The following BLMH variants were observed in gnomAD, a reference collection of about 807,000 sequenced individuals.
BLMH encodes the protein BLM hydrolase.
Under a neutral mutation model 61.6 loss-of-function variants are expected in BLMH, and 32 were observed. That is an observed-to-expected ratio of 0.52 (90% confidence interval 0.39 to 0.70). The LOEUF (loss-of-function observed/expected upper bound fraction) is 0.70. BLMH is among the 30% of genes least tolerant of loss of function. BLMH has a pLI of 0.00. For synonymous variants in BLMH, 183 were observed against 193.8 expected, an observed-to-expected ratio of 0.94 and a Z score of 0.46; for missense variants, 460 against 555.5, an observed-to-expected ratio of 0.83 and a Z score of 1.73.
chr17:30,251,880 GAA>G (rs1252696122), intron 11 of BLMH, among the ~76,000 whole-genome samples: 1 of 151,918 alleles, frequency 6.6e-6, no homozygotes, highest in Non-Finnish European at 1.5e-5. Flanking sequence ...AACTAAAACA[GAA>G]AGTTAAAAAT....
At chr17:30,285,551 C>T (rs1002344896) in intron 5 of BLMH, 71 bp from the exon 6 acceptor site, 24 of 1,241,172 alleles carry the variant, frequency 1.9e-5, no homozygotes, top group Admixed American at 6.8e-5. Flanking sequence ...CATAGACCAA[C>T]GCAAGTTCTA....
chr17:30,264,121 T>A (rs908246546), intron 11 of BLMH, among the ~76,000 whole-genome samples: 2 of 152,184 alleles, frequency 1.3e-5, no homozygotes. Flanking sequence ...TTTCCTTCCT[T>A]CCTGTTAAGT....
chr17:30,278,872 T>G (rs1046132589), intron 6 of BLMH, among the ~76,000 whole-genome samples: 8 of 152,234 alleles, frequency 5.3e-5, no homozygotes, highest in Non-Finnish European at 1.0e-4. Context: ...GGTTTTGCCA[T>G]GTTGGCCAGG....
intron 11 of BLMH, among the ~76,000 whole-genome samples, chr17:30,255,567 T>C (rs1187116992): frequency 6.6e-6 from 1 of 152,216 alleles, no homozygotes; most frequent in Non-Finnish European, 1.5e-5. Flanking sequence ...AGTTTTCTTT[T>C]GTAAAGTGTC....
intron 6 of BLMH, 39 bp downstream of exon 6, chr17:30,285,349 C>T: frequency 7.0e-7 from 1 of 1,430,362 alleles, no homozygotes; most frequent in Non-Finnish European, 9.8e-7. Flanking sequence ...CTGAGAGTTC[C>T]TTAGAGGGGT....
Position 30,287,885 on chromosome 17 carries a change from C to T in BLMH, c.384G>A (p.Glu128=). Residue 128 remains glutamate (E), a synonymous_variant, in exon 4 of 12, where the codon GAG becomes GAA. Coordinates refer to ENST00000261714, the MANE Select transcript of BLMH (RefSeq NM_000386.4). ...FVDTAQRKEP[E]DGRLVQFLLM... is the part of the protein sequence containing the mutation. ...GCAAAAACTGCACCAGCCTCCCATC[C>T]TCAGGCTCCTTTCTCTGGGCTGTGT... 1.9e-6 allele frequency: 3 copies of T among 1,614,094 alleles called. No individual in the cohort carries two copies. Among genetic ancestry groups the T allele is most frequent in the Non-Finnish European group, 2.5e-6 (3 of 1,179,948 alleles).
intron 5 of BLMH, among the ~76,000 whole-genome samples, chr17:30,286,356 C>T (rs1376113228): frequency 6.6e-6 from 1 of 152,200 alleles, no homozygotes; most frequent in East Asian, 1.9e-4. Flanking sequence ...TCAATAACTA[C>T]AACAAATCTT....
chr17:30,282,765 T>C (rs1908627406), intron 6 of BLMH, among the ~76,000 whole-genome samples: 2 of 152,224 alleles, frequency 1.3e-5, no homozygotes, highest in Non-Finnish European at 2.9e-5. Flanking sequence ...ACACAAATCA[T>C]AGGTACTAAT....
chr17:30,269,625 T>C (rs1255193514), intron 10 of BLMH, among the ~76,000 whole-genome samples: 3 of 152,216 alleles, frequency 2.0e-5, no homozygotes, highest in Non-Finnish European at 4.4e-5. Context: ...CAAATTATAC[T>C]CCACACATTC....
At chr17:30,290,524 G>A (rs1908856356) in intron 2 of BLMH, among the ~76,000 whole-genome samples, 1 of 151,866 alleles carries the variant, frequency 6.6e-6, no homozygotes, top group Non-Finnish European at 1.5e-5. Flanking sequence ...ATGTACTCAC[G>A]TTAAATGTGT....
At chr17:30,282,219 G>GTTTTTTT (rs74886535) in intron 6 of BLMH, among the ~76,000 whole-genome samples, 4 of 122,218 alleles carry the variant, frequency 3.3e-5, no homozygotes, top group Non-Finnish European at 6.7e-5. Context: ...AACAGACAAG[G>GTTTTTTT]TTTTTTTTTT....
intron 6 of BLMH, among the ~76,000 whole-genome samples, chr17:30,284,181 A>C (rs956361282): frequency 6.6e-6 from 1 of 152,244 alleles, no homozygotes; most frequent in Non-Finnish European, 1.5e-5. Context: ...AGATTATTTA[A>C]ATGCATTTGG....
rs376358008 is a variant in BLMH at position 30,289,329 on chromosome 17, G to T, written c.321+44C>A. The T allele has an allele frequency of 2.2e-4, 291 of 1,329,942 alleles. 1 individual carries two copies. The highest frequency in any genetic ancestry group is 2.9e-4 in the Non-Finnish European group (280 of 951,620). The allele number at this position is 1,329,942 out of a possible 1,614,324, so 82.4% of individuals were successfully genotyped here. A position where few individuals can be genotyped will look rare whatever the true frequency, so the allele number is the denominator to read the frequency against. ...AAAAGAAGAGGCAGTCCCTACCAAG[G>T]CTGATATCAATACAAAAAGAATCTT... On this transcript the variant is annotated intron_variant, in intron 3 of 11. Coordinates refer to ENST00000261714, the MANE Select transcript of BLMH (RefSeq NM_000386.4).
At chr17:30,288,109 T>G (rs1346712427) in intron 3 of BLMH, 162 bp from the exon 4 acceptor site, 1 of 694,472 alleles carries the variant, frequency 1.4e-6, no homozygotes, top group African/African-American at 1.8e-5. Context: ...ATGTCATCCT[T>G]GTACAGAGGC....
At chr17:30,259,153 C>A (rs144256842) in intron 11 of BLMH, among the ~76,000 whole-genome samples, 215 of 152,300 alleles carry the variant, frequency 1.4e-3, no homozygotes, top group Non-Finnish European at 1.2e-3. Context: ...TTTATTCTTA[C>A]AATAGGTTAC....
At chr17:30,264,770 AG>A (rs1908053803) in intron 11 of BLMH, among the ~76,000 whole-genome samples, 1 of 152,266 alleles carries the variant, frequency 6.6e-6, no homozygotes. Context: ...CAGAAGCTGC[AG>A]GGGGTTCATT....
At chr17:30,261,988 G>T (rs1907971265) in intron 11 of BLMH, among the ~76,000 whole-genome samples, 1 of 152,040 alleles carries the variant, frequency 6.6e-6, no homozygotes. Context: ...TAAAAATGTG[G>T]GTTAAAAACA....
At chr17:30,291,628 A>G in intron 1 of BLMH, 120 bp from the exon 2 acceptor site, 1 of 1,418,788 alleles carries the variant, frequency 7.0e-7, no homozygotes, top group Admixed American at 2.1e-5. Flanking sequence ...CAGCGGGGAA[A>G]CCCATAAGCG....
chr17:30,257,849 T>G (rs1907857145), intron 11 of BLMH, among the ~76,000 whole-genome samples: 1 of 152,186 alleles, frequency 6.6e-6, no homozygotes, highest in African/African-American at 2.4e-5. Flanking sequence ...GCAAAGAGAC[T>G]TGGGAGGTAG....
Sources: allele counts gnomAD v4.1 joint callset (sites outside exome capture counted in the v4.1 genomes callset), GRCh38; gene constraint gnomAD v4.1.1; transcripts MANE v1.5; gene names NCBI Gene and HGNC (gene_info 2026-07-23, HGNC 2026-07-21).